Variants in DPP6 observed in about 807,000 individuals in gnomAD.
DPP6 encodes dipeptidyl peptidase like 6, also known as A-type potassium channel modulatory protein DPP6.
A neutral mutation model predicts 122.6 loss-of-function variants in DPP6; 69 were observed. The ratio of observed to expected loss-of-function variants is 0.56; its 90% CI spans 0.46 to 0.69. The LOEUF (loss-of-function observed/expected upper bound fraction) is 0.69, where lower values mean the gene tolerates loss of function less well. DPP6 is among the 30% of genes least tolerant of loss of function. The pLI, the probability that DPP6 is intolerant of heterozygous loss-of-function variation, is 0.00. For synonymous variants in DPP6, 418 were observed against 433.1 expected (o/e 0.97, Z 0.43); for missense variants, 928 against 1,116.9 (o/e 0.83, Z 2.41).
At chr7:154,682,699 C>T (rs907638905) in intron 7 of DPP6, among the ~76,000 whole-genome samples, 2 of 152,192 alleles carry the variant, frequency 1.3e-5, no homozygotes, top group African/African-American at 2.4e-5. Context: ...TCACAGGGCT[C>T]CTCCTTTGCA....
intron 1 of DPP6, among the ~76,000 whole-genome samples, chr7:153,939,556 A>G (rs974241145): frequency 6.6e-6 from 1 of 152,068 alleles, no homozygotes; most frequent in African/African-American, 2.4e-5. Context: ...AAAGGACCTC[A>G]CTCAGGCTGG....
At chr7:154,302,268 G>T (rs1392648476) in intron 1 of DPP6, among the ~76,000 whole-genome samples, 1 of 152,156 alleles carries the variant, frequency 6.6e-6, no homozygotes, top group Admixed American at 6.5e-5. Flanking sequence ...CATAGAAGTG[G>T]AACTGTGCCG....
chr7:154,366,165 C>G (rs546016448), intron 1 of DPP6, among the ~76,000 whole-genome samples: 96 of 152,272 alleles, frequency 6.3e-4, no homozygotes, highest in African/African-American at 2.2e-3. Context: ...TAATGCAACT[C>G]AGGCTGCTAG....
the DPP6 span, among the ~76,000 whole-genome samples, chr7:153,834,541 A>G: frequency 4.6e-4 from 70 of 152,200 alleles, no homozygotes; most frequent in Non-Finnish European, 7.9e-4. Context: ...TGAAGAGCCC[A>G]GCAGCATGTC....
intron 1 of DPP6, among the ~76,000 whole-genome samples, chr7:154,202,472 C>G (rs1327414084): frequency 6.6e-6 from 1 of 152,130 alleles, no homozygotes; most frequent in Non-Finnish European, 1.5e-5. Flanking sequence ...ATATTTTGGC[C>G]AGGCTTCCCT....
chr7:153,825,875 C>G, the DPP6 span, among the ~76,000 whole-genome samples: 1 of 152,124 alleles, frequency 6.6e-6, no homozygotes, highest in African/African-American at 2.4e-5. Context: ...GCTCATTTTT[C>G]TACCTTCTGT....
intron 4 of DPP6, among the ~76,000 whole-genome samples, chr7:154,554,381 G>A (rs990700850): frequency 6.6e-5 from 10 of 151,906 alleles, no homozygotes. Flanking sequence ...AGTTTCATGA[G>A]GAGGTTGTAT....
At chr7:154,709,723 A>C (rs1203788429) in intron 7 of DPP6, among the ~76,000 whole-genome samples, 1 of 152,138 alleles carries the variant, frequency 6.6e-6, no homozygotes, top group African/African-American at 2.4e-5. Flanking sequence ...ACTTTTCAAA[A>C]AAACCCAACA....
At chr7:153,904,060 TGTC>T (rs1478365736) in intron 1 of DPP6, among the ~76,000 whole-genome samples, 75 of 152,288 alleles carry the variant, frequency 4.9e-4, no homozygotes, top group African/African-American at 1.7e-3. Flanking sequence ...TTGTTGTTGT[TGTC>T]ATTTTTGAGA....
At chr7:153,835,888 G>C in the DPP6 span, among the ~76,000 whole-genome samples, 3 of 152,262 alleles carry the variant, frequency 2.0e-5, no homozygotes, top group East Asian at 5.8e-4. Context: ...AGTCCAGGGG[G>C]TGGAATTATT....
intron 10 of DPP6, among the ~76,000 whole-genome samples, chr7:154,782,956 G>A (rs1797117665): frequency 6.6e-6 from 1 of 151,980 alleles, no homozygotes; most frequent in Admixed American, 6.5e-5. Context: ...GCTAATTTTT[G>A]TATATTTAGT....
Position 154,889,688 on chromosome 7 carries a change from A to G in DPP6, c.2451+158A>G, listed in dbSNP as rs1186164210. Reference sequence around the variant, plus strand: ...TCCCAGCAGGTTGGAAAATCAGCACATGCTCAACGTTTTCTTATAATTAAT... The same window carrying G: ...TCCCAGCAGGTTGGAAAATCAGCACGTGCTCAACGTTTTCTTATAATTAAT... On this transcript the variant is annotated intron_variant, in intron 25 of 25. Coordinates refer to ENST00000377770, the MANE Select transcript of DPP6 (RefSeq NM_130797.4). The G allele has an allele frequency of 3.5e-6, 4 of 1,132,336 alleles. No individual in the cohort carries two copies. In the Admixed American group the frequency reaches 1.1e-4, roughly 32 times the overall value. The allele number at this position is 1,132,336 out of a possible 1,614,324, so 70.1% of individuals were successfully genotyped here. A position where few individuals can be genotyped will look rare whatever the true frequency, so the allele number is the denominator to read the frequency against.
chr7:154,875,463 G>A lies in DPP6; in HGVS notation c.1884-443G>A, dbSNP rs933157469. Among the ~76,000 whole-genome samples the A allele has an allele frequency of 2.6e-5, 4 of 152,336 alleles. No homozygotes were observed. Among genetic ancestry groups the A allele is most frequent in the Middle Eastern group, 3.4e-3 (1 of 294 alleles). On this transcript the variant is annotated intron_variant, in intron 19 of 25. Transcript: ENST00000377770. The surrounding 1 kb of genome is among the most constrained non-coding windows in gnomAD (Gnocchi z 4.5). ...AACAAGAGACAGACCACGTCTTCAAGCCAGGGATGTGGCTAGAGTCAGCGC... is the reference window on the plus strand; with the variant it reads ...AACAAGAGACAGACCACGTCTTCAAACCAGGGATGTGGCTAGAGTCAGCGC...
intron 16 of DPP6, among the ~76,000 whole-genome samples, chr7:154,824,118 CAG>C (rs1004136174): frequency 2.0e-5 from 3 of 152,186 alleles, no homozygotes; most frequent in Admixed American, 2.0e-4. Flanking sequence ...GATCAGGAAA[CAG>C]TGCTGCTTGA....
At chr7:154,131,321 A>G (rs1795271489) in intron 1 of DPP6, among the ~76,000 whole-genome samples, 1 of 152,200 alleles carries the variant, frequency 6.6e-6, no homozygotes, top group Non-Finnish European at 1.5e-5. Flanking sequence ...CTTTCCAGGA[A>G]CGTCAGTTGT....
chr7:154,473,369 C>T (rs986676260), intron 2 of DPP6, among the ~76,000 whole-genome samples: 1 of 152,144 alleles, frequency 6.6e-6, no homozygotes, highest in Non-Finnish European at 1.5e-5. Context: ...GTTCAGCGCC[C>T]GGGATAGCTC....
At chr7:153,809,690 G>C in the DPP6 span, among the ~76,000 whole-genome samples, 3 of 151,938 alleles carry the variant, frequency 2.0e-5, no homozygotes, top group East Asian at 3.9e-4. Context: ...AGAGAGCATG[G>C]AGCAGCACCA....
chr7:153,939,399 C>T (rs1172541180), intron 1 of DPP6, among the ~76,000 whole-genome samples: 1 of 152,198 alleles, frequency 6.6e-6, no homozygotes, highest in East Asian at 1.9e-4. Flanking sequence ...GCAAAACAGA[C>T]ATGGCCTCGG....
chr7:154,372,041 G>A (rs966740644), intron 1 of DPP6, among the ~76,000 whole-genome samples: 8 of 152,220 alleles, frequency 5.3e-5, no homozygotes, highest in African/African-American at 1.9e-4. Flanking sequence ...ACCCCAGAGA[G>A]AACAGGTGCC....
Sources: allele counts gnomAD v4.1 joint callset (sites outside exome capture counted in the v4.1 genomes callset), GRCh38; gene constraint gnomAD v4.1.1; non-coding constraint Gnocchi (gnomAD v3.1); transcripts MANE v1.5; gene names NCBI Gene and HGNC (gene_info 2026-07-23, HGNC 2026-07-21).